The following HIPK2 variants were observed in gnomAD, a reference collection of about 807,000 sequenced individuals.
HIPK2 encodes the protein homeodomain-interacting protein kinase 2.
HIPK2 carries 27 observed loss-of-function variants against 113.7 expected under a neutral mutation model. The ratio of observed to expected loss-of-function variants is 0.24; its 90% confidence interval spans 0.17 to 0.33. The LOEUF (loss-of-function observed/expected upper bound fraction) is 0.33, where lower values mean the gene tolerates loss of function less well. HIPK2 is among the 10% of genes least tolerant of loss of function. The probability of loss-of-function intolerance (pLI) is 1.00; values close to 1 mark genes in which losing one functional copy is unlikely to be tolerated. For synonymous variants in HIPK2, 631 were observed against 642.2 expected (o/e 0.98, Z 0.26); for missense variants, 1,257 against 1,588.0 (o/e 0.79, Z 3.54).
chr7:139,735,674 C>T (rs996751651), intron 1 of HIPK2, among the ~76,000 whole-genome samples: 4 of 152,192 alleles, frequency 2.6e-5, no homozygotes, highest in African/African-American at 9.7e-5. Context: ...GCCCATTGAA[C>T]GGTGCAGGCT....
At chr7:139,575,693 T>A (rs1227172176) in intron 13 of HIPK2, among the ~76,000 whole-genome samples, 1 of 152,194 alleles carries the variant, frequency 6.6e-6, no homozygotes, top group Non-Finnish European at 1.5e-5. Context: ...AGAAACTTAG[T>A]CCCCAGTGCA....
At chr7:139,666,490 G>A (rs1296652765) in intron 2 of HIPK2, among the ~76,000 whole-genome samples, 4 of 152,156 alleles carry the variant, frequency 2.6e-5, no homozygotes, top group Non-Finnish European at 5.9e-5. Flanking sequence ...CTTCCTTGGG[G>A]CTTTAAGTAC....
intron 2 of HIPK2, among the ~76,000 whole-genome samples, chr7:139,660,999 A>T (rs1801849021): frequency 7.3e-6 from 1 of 136,432 alleles, no homozygotes; most frequent in African/African-American, 2.8e-5. Flanking sequence ...CCTCTAAAAG[A>T]CACCTTTTTA....
chr7:139,597,051 C>A (rs1569449407), intron 11 of HIPK2, 53 bp from the exon 12 acceptor site: 1 of 1,530,792 alleles, frequency 6.5e-7, no homozygotes, highest in Non-Finnish European at 8.8e-7. Context: ...CCCCACAACT[C>A]CTTCGAAGGA....
At chr7:139,652,936 A>G (rs1801516269) in intron 2 of HIPK2, among the ~76,000 whole-genome samples, 1 of 152,094 alleles carries the variant, frequency 6.6e-6, no homozygotes, top group East Asian at 1.9e-4. Flanking sequence ...TGAGGTCAGG[A>G]GTTTGAGACC....
intron 2 of HIPK2, among the ~76,000 whole-genome samples, chr7:139,690,271 A>G (rs1222146494): frequency 2.6e-5 from 4 of 151,604 alleles, no homozygotes; most frequent in Non-Finnish European, 5.9e-5. Flanking sequence ...TAGTGGTATG[A>G]GCAGTGCACA....
At chr7:139,590,843 AATTATT>A (rs955407307) in intron 12 of HIPK2, among the ~76,000 whole-genome samples, 2 of 152,032 alleles carry the variant, frequency 1.3e-5, no homozygotes, top group African/African-American at 4.8e-5. Context: ...ATTCCATTCA[AATTATT>A]ATTATTATTT....
intron 2 of HIPK2, among the ~76,000 whole-genome samples, chr7:139,638,873 G>A (rs1800907778): frequency 6.6e-6 from 1 of 152,042 alleles, no homozygotes; most frequent in Admixed American, 6.5e-5. Flanking sequence ...TAGCTAGGAT[G>A]GTCTCGATCT....
At position 139,573,376 on chromosome 7, in the gene HIPK2, C is replaced by A. The variant is rs1228560735; in HGVS notation, c.3148G>T (p.Asp1050Tyr). ...TGCCTTCGGTGGCTCCCAGTGCGGT[C>A]CGTGGTGATGTGCTGCTGAGCCTGG... ...LSQAQQHITT[D>Y]RTGSHRRQQA... Residue 1050 changes from aspartate (D) to tyrosine (Y), a missense_variant, in exon 15 of 15, where the codon GAC becomes TAC. Asp to Tyr is a radical substitution (Grantham distance 160). Coordinates refer to ENST00000406875, the MANE Select transcript of HIPK2 (RefSeq NM_022740.5). 4 of 1,603,818 alleles carry A rather than the reference C, an allele frequency of 2.5e-6. No homozygotes were observed. Among genetic ancestry groups the A allele is most frequent in the Non-Finnish European group, 3.4e-6 (4 of 1,179,752 alleles).
intron 2 of HIPK2, among the ~76,000 whole-genome samples, chr7:139,669,749 C>G (rs956572634): frequency 2.0e-5 from 3 of 152,132 alleles, no homozygotes; most frequent in African/African-American, 7.2e-5. Context: ...TTACGCTAGG[C>G]TACATCAATT....
intron 13 of HIPK2, among the ~76,000 whole-genome samples, chr7:139,580,187 T>C (rs902729841): frequency 3.9e-5 from 6 of 152,206 alleles, no homozygotes; most frequent in Non-Finnish European, 8.8e-5. Context: ...GGCCCCGCTG[T>C]GCATGTCACC....
chr7:139,698,495 A>C (rs1794623265), intron 2 of HIPK2, among the ~76,000 whole-genome samples: 1 of 152,222 alleles, frequency 6.6e-6, no homozygotes, highest in South Asian at 2.1e-4. Context: ...TGCAGCAATC[A>C]TATGGCAATT....
chr7:139,745,713 C>T (rs1188687629), intron 1 of HIPK2, among the ~76,000 whole-genome samples: 1 of 152,122 alleles, frequency 6.6e-6, no homozygotes, highest in Non-Finnish European at 1.5e-5. Context: ...CCTTCCACAC[C>T]CCCCTCACCC....
intron 9 of HIPK2, 158 bp from the exon 10 acceptor site, chr7:139,604,381 G>T (rs931244470): frequency 3.8e-6 from 2 of 526,026 alleles, no homozygotes; most frequent in Non-Finnish European, 4.9e-6. Flanking sequence ...AGTAAGGGGA[G>T]ATAAACAATG....
chr7:139,674,612 C>T (rs1171398187), intron 2 of HIPK2, among the ~76,000 whole-genome samples: 2 of 152,170 alleles, frequency 1.3e-5, no homozygotes, highest in African/African-American at 2.4e-5. Flanking sequence ...AGCAGCAAAC[C>T]TGGCATGGAC....
intron 2 of HIPK2, among the ~76,000 whole-genome samples, chr7:139,688,395 T>C (rs1188742700): frequency 2.0e-5 from 3 of 152,254 alleles, no homozygotes; most frequent in African/African-American, 7.2e-5. Context: ...ACTTGACCTC[T>C]GAATATCAGA....
chr7:139,712,193 T>G (rs1004876380), intron 2 of HIPK2, among the ~76,000 whole-genome samples: 1 of 152,210 alleles, frequency 6.6e-6, no homozygotes, highest in Non-Finnish European at 1.5e-5. Flanking sequence ...CAGCCTTTGT[T>G]TCCTGAAAAA....
chr7:139,725,354 A>G (rs1795542997), intron 1 of HIPK2, among the ~76,000 whole-genome samples: 1 of 152,246 alleles, frequency 6.6e-6, no homozygotes, highest in African/African-American at 2.4e-5. Context: ...AAATCCTGCA[A>G]ACAGAGTGTA....
Position 139,572,906 on chromosome 7 carries a change from T to TC in HIPK2, c.*20dup. 3 of 193,754 alleles carry TC rather than the reference T, an allele frequency of 1.5e-5. No individual in the cohort carries two copies. The highest frequency in any genetic ancestry group is 3.0e-5 in the Non-Finnish European group (3 of 100,194). 12.0% of individuals were successfully genotyped at this position (193,754 alleles called of 1,614,324 possible). ...TCGGGCCATTCTCTCCCTCCCTCCC[T>TC]CCCTCCCTCCCCTCCAGTGTTTATA... is the stretch of plus-strand genomic sequence containing the variant. On this transcript the variant is annotated 3_prime_UTR_variant, in exon 15 of 15. Coordinates refer to ENST00000406875, the MANE Select transcript of HIPK2 (RefSeq NM_022740.5).
Sources: allele counts gnomAD v4.1 joint callset (sites outside exome capture counted in the v4.1 genomes callset), GRCh38; gene constraint gnomAD v4.1.1; transcripts MANE v1.5; gene names NCBI Gene and HGNC (gene_info 2026-07-23, HGNC 2026-07-21).